The following ERC1 variants were observed in gnomAD, a reference collection of about 807,000 sequenced individuals.
ERC1 encodes RAB6 interacting protein 2.
ERC1 carries 56 observed loss-of-function variants against 132.0 expected under a neutral mutation model. That is an observed-to-expected ratio of 0.42 (90% CI 0.34 to 0.53). ERC1 has a LOEUF of 0.53. Ranked by LOEUF, ERC1 falls within the 20% of genes least tolerant of loss-of-function variation. The pLI, the probability that ERC1 is intolerant of heterozygous loss-of-function variation, is 0.03. For synonymous variants in ERC1, 478 were observed against 476.1 expected (o/e 1.00, Z -0.05); for missense variants, 1,202 against 1,349.9 (o/e 0.89, Z 1.72).
chr12:1,493,545 AAAAATATAT>A lies in ERC1; in HGVS notation c.*3317_*3325del, dbSNP rs1305166159. On this transcript the variant is annotated 3_prime_UTR_variant, in exon 19 of 19. Coordinates refer to ENST00000360905, the MANE Select transcript of ERC1 (RefSeq NM_178040.4). ...GAGACTCCATTTAAAAAAAAAAAAA[AAAAATATAT>A]ATATATATATATATATATATATATG... 4.6e-4 allele frequency: 34 copies of A among 73,596 alleles called. No homozygotes were observed. Among genetic ancestry groups the A allele is most frequent in the Admixed American group, 2.3e-3 (12 of 5,224 alleles). The allele number at this position is 73,596 out of a possible 1,614,324, so 4.6% of individuals were successfully genotyped here. A position where few individuals can be genotyped will look rare whatever the true frequency, so the allele number is the denominator to read the frequency against.
At chr12:1,395,345 C>A (rs1386700009) in intron 16 of ERC1, among the ~76,000 whole-genome samples, 1 of 151,746 alleles carries the variant, frequency 6.6e-6, no homozygotes, top group Non-Finnish European at 1.5e-5. Context: ...TAATTATATA[C>A]CATGGCCTTG....
intron 18 of ERC1, among the ~76,000 whole-genome samples, chr12:1,485,407 A>ATTT (rs1314911438): frequency 6.7e-6 from 1 of 148,954 alleles, no homozygotes; most frequent in Non-Finnish European, 1.5e-5. Context: ...GTTTCACCAC[A>ATTT]TTGGCCAGGC....
chr12:1,196,282 G>A (rs1195212708), intron 12 of ERC1, among the ~76,000 whole-genome samples: 2 of 152,104 alleles, frequency 1.3e-5, no homozygotes, highest in Admixed American at 6.6e-5. Flanking sequence ...GCCTGGAACA[G>A]ATCTCACCCT....
rs12229308 is a variant in ERC1 at position 1,001,721 on chromosome 12, G to A, written c.-157+10399G>A. 2.5e-3 allele frequency among the ~76,000 whole-genome samples: 382 copies of A among 152,062 alleles called. 2 individuals are homozygous for A. The highest frequency in any genetic ancestry group is 7.1e-3 in the East Asian group (37 of 5,176). On this transcript the variant is annotated intron_variant, in intron 1 of 18. Transcript: ENST00000360905. ...GATTTAGATTTGTATGTAGCTGTTC[G>A]TTCATTTTCATTGCTAAATAGTATT...
rs1432156587 is a variant in ERC1 at position 1,083,386 on chromosome 12, C to G, written c.892C>G (p.Gln298Glu). The G allele has an allele frequency of 1.2e-6, 2 of 1,614,100 alleles. No individual in the cohort carries two copies. Among genetic ancestry groups the G allele is most frequent in the South Asian group, 2.2e-5 (2 of 91,062 alleles). The change falls in exon 3 of 19, where the codon CAA becomes GAA. Residue 298 changes from glutamine to glutamate, a missense_variant. Physicochemically the swap from Gln to Glu is conservative, Grantham distance 29. Coordinates refer to ENST00000360905, the MANE Select transcript of ERC1 (RefSeq NM_178040.4). ...LEEMELRIET[Q>E]KQTLNARDES... is the part of the protein sequence containing the mutation. ...GGAAATGGAGCTGCGTATTGAGACT[C>G]AAAAGCAGACCCTAAATGCTCGGGA...
intron 15 of ERC1, among the ~76,000 whole-genome samples, chr12:1,337,728 A>G (rs116003014): frequency 0.011 from 1,695 of 152,318 alleles, 30 homozygotes; most frequent in African/African-American, 0.038. Context: ...CTTGTAAGGC[A>G]GGTTTGATAG....
chr12:1,447,423 G>T (rs2093329801), intron 18 of ERC1, among the ~76,000 whole-genome samples: 1 of 151,514 alleles, frequency 6.6e-6, no homozygotes, highest in Admixed American at 6.6e-5. Context: ...AGTTAAGGTG[G>T]GAGGATGGCT....
At chr12:1,304,142 T>C (rs372738997) in intron 15 of ERC1, among the ~76,000 whole-genome samples, 2 of 152,112 alleles carry the variant, frequency 1.3e-5, no homozygotes, top group African/African-American at 4.8e-5. Flanking sequence ...GTTCACAGTA[T>C]TATTGTATTG....
At chr12:1,468,001 T>C (rs910124746) in intron 18 of ERC1, among the ~76,000 whole-genome samples, 10 of 152,290 alleles carry the variant, frequency 6.6e-5, no homozygotes, top group African/African-American at 2.4e-4. Context: ...GCCCTTCACC[T>C]CCTGCTGTGT....
At chr12:1,063,828 A>G (rs990393390) in intron 2 of ERC1, among the ~76,000 whole-genome samples, 5 of 152,112 alleles carry the variant, frequency 3.3e-5, no homozygotes, top group African/African-American at 1.2e-4. Flanking sequence ...CTGTAGTGAT[A>G]ACATTTGACT....
chr12:1,255,620 C>CTT (rs1566399407), intron 13 of ERC1, among the ~76,000 whole-genome samples: 2 of 86,436 alleles, frequency 2.3e-5, no homozygotes, highest in Non-Finnish European at 5.4e-5. Flanking sequence ...TGCTTCCTGG[C>CTT]CTTTTTTTTT....
chr12:1,263,296 TC>T, intron 14 of ERC1, 131 bp downstream of exon 14: 2 of 685,868 alleles, frequency 2.9e-6, no homozygotes, highest in Non-Finnish European at 4.6e-6. Flanking sequence ...AGAGGAGAAG[TC>T]CCAAGGAGTT....
rs947284384 is a variant in ERC1 at position 1,104,735 on chromosome 12, G to A, written c.1087-15G>A. The A allele has an allele frequency of 1.3e-6, 2 of 1,599,024 alleles. No homozygotes were observed. The highest frequency in any genetic ancestry group is 1.3e-5 in the African/African-American group (1 of 74,582). On this transcript the variant is annotated splice_polypyrimidine_tract_variant and intron_variant, in intron 3 of 18. Coordinates refer to ENST00000360905, the MANE Select transcript of ERC1 (RefSeq NM_178040.4). ...ACAGGAGAGCACTGAATCTCTTTCT[G>A]CCTCTTTTCTACAGGAGATGCATCG...
chr12:1,478,791 T>TA (rs149249485), intron 18 of ERC1, among the ~76,000 whole-genome samples: 47,683 of 147,488 alleles, frequency 0.32, 8,063 homozygotes, highest in African/African-American at 0.43. Context: ...TCTGTCTCAA[T>TA]AAAAAAAAGA....
Position 1,182,027 on chromosome 12 carries a change from A to T in ERC1, c.1978A>T (p.Lys660Ter). 1 of 1,614,120 alleles carries T rather than the reference A, an allele frequency of 6.2e-7. No homozygotes were observed. Among genetic ancestry groups the T allele is most frequent in the Non-Finnish European group, 8.5e-7 (1 of 1,179,982 alleles). ...AAAAGATCTTAAAGACTTGAAGGAA[A>T]AAGTCAGCCTGTTGCAAGGCGACCT... ...YKKDLKDLKE[K>*]VSLLQGDLSE... The change falls in exon 10 of 19, where the codon AAA becomes TAA. Residue 660 changes from lysine to a stop codon, truncating the protein, a stop_gained. Transcript: ENST00000360905. LOFTEE classifies it high-confidence loss of function.
chr12:1,263,642 T>C (rs2077280177), intron 14 of ERC1, among the ~76,000 whole-genome samples: 1 of 152,180 alleles, frequency 6.6e-6, no homozygotes, highest in Non-Finnish European at 1.5e-5. Flanking sequence ...CAACCCTGGC[T>C]TTTAAACGGA....
chr12:1,267,822 C>T (rs1056695321), intron 14 of ERC1, among the ~76,000 whole-genome samples: 5 of 151,910 alleles, frequency 3.3e-5, no homozygotes, highest in Admixed American at 6.6e-5. Flanking sequence ...TTTTAAAAGC[C>T]CCATTTTTAA....
At chr12:1,023,399 T>G (rs750509742) in intron 1 of ERC1, among the ~76,000 whole-genome samples, 2 of 151,986 alleles carry the variant, frequency 1.3e-5, no homozygotes, top group Non-Finnish European at 2.9e-5. Flanking sequence ...ACTACCATGT[T>G]CTTTTTTTGA....
intron 18 of ERC1, among the ~76,000 whole-genome samples, chr12:1,478,216 C>T (rs59394469): frequency 0.16 from 24,054 of 152,186 alleles, 4,259 homozygotes; most frequent in African/African-American, 0.44. Flanking sequence ...GCACTTGATA[C>T]TGTCTGTCTT....
Sources: allele counts gnomAD v4.1 joint callset (sites outside exome capture counted in the v4.1 genomes callset), GRCh38; gene constraint gnomAD v4.1.1; transcripts MANE v1.5; gene names NCBI Gene and HGNC (gene_info 2026-07-23, HGNC 2026-07-21).